The following DPP6 variants were observed in gnomAD, a reference collection of about 807,000 sequenced individuals.
DPP6 encodes the protein A-type potassium channel modulatory protein DPP6.
A neutral mutation model predicts 122.6 loss-of-function variants in DPP6; 69 were observed. That is an observed-to-expected ratio of 0.56 (90% CI 0.46 to 0.69). The LOEUF is 0.69. DPP6 is among the 30% of genes least tolerant of loss of function. DPP6 has a pLI of 0.00. For synonymous variants in DPP6, 418 were observed against 433.1 expected (o/e 0.97, Z 0.43); for missense variants, 928 against 1,116.9 (o/e 0.83, Z 2.41).
At chr7:154,370,186 T>C (rs1812533147) in intron 1 of DPP6, among the ~76,000 whole-genome samples, 1 of 152,126 alleles carries the variant, frequency 6.6e-6, no homozygotes, top group African/African-American at 2.4e-5. Context: ...TTTCGCCATG[T>C]TGGCCAGGCT....
At chr7:153,942,125 C>T (rs75095962) in intron 1 of DPP6, among the ~76,000 whole-genome samples, 2,684 of 152,298 alleles carry the variant, frequency 0.018, 81 homozygotes, top group African/African-American at 0.061. Context: ...TTAGCACCAC[C>T]GTTGTGCATG....
At chr7:154,870,212 G>A (rs59369715) in intron 18 of DPP6, among the ~76,000 whole-genome samples, 49 of 149,434 alleles carry the variant, frequency 3.3e-4, no homozygotes, top group African/African-American at 1.1e-3. Context: ...CTTGAACTAC[G>A]GGGCTCAAGC....
At chr7:154,858,235 G>T (rs1803002865) in intron 17 of DPP6, 1 of 152,256 alleles carries the variant, frequency 6.6e-6, no homozygotes, top group African/African-American at 2.4e-5. Flanking sequence ...AGCCTGTGAG[G>T]CAGGAACTGC....
rs186939787 is a variant in DPP6, at chr7:154,103,280, C to T, written c.243+50217C>T. Among the ~76,000 whole-genome samples, 81 of 152,312 alleles carry T rather than the reference C, an allele frequency of 5.3e-4. No individual in the cohort carries two copies. The Middle Eastern group carries it at 0.01, about 19-fold the overall frequency. ...CTCATTGCAGGAAGCGACTCCATTC[C>T]GTCAGCCATACTGATGGCATTAGGT... On this transcript the variant is annotated intron_variant, in intron 1 of 25. Coordinates refer to ENST00000377770, the MANE Select transcript of DPP6 (RefSeq NM_130797.4).
At chr7:153,893,108 T>C (rs1799274938) in intron 1 of DPP6, among the ~76,000 whole-genome samples, 1 of 152,168 alleles carries the variant, frequency 6.6e-6, no homozygotes, top group Admixed American at 6.5e-5. Context: ...GCACAGGATG[T>C]TTTATAAAAT....
intron 1 of DPP6, among the ~76,000 whole-genome samples, chr7:154,375,122 G>A (rs1042028720): frequency 6.6e-6 from 1 of 152,110 alleles, no homozygotes; most frequent in Non-Finnish European, 1.5e-5. Flanking sequence ...GGAAGAGAGG[G>A]CAGACAGTTC....
At chr7:154,766,353 T>A (rs6971421) in intron 8 of DPP6, among the ~76,000 whole-genome samples, 28,918 of 152,156 alleles carry the variant, frequency 0.19, 2,872 homozygotes, top group East Asian at 0.34. Context: ...AGTCTCACTC[T>A]GTCACCCAGG....
rs1158700884 is a variant in DPP6 at position 154,481,972 on chromosome 7, G to C, written c.457+6935G>C. On this transcript the variant is annotated intron_variant, in intron 3 of 25. Coordinates refer to ENST00000377770, the MANE Select transcript of DPP6 (RefSeq NM_130797.4). This position sits in a 1 kb window ranked among gnomAD's most constrained non-coding sequence, Gnocchi z 4.2. ...AAGTCCCCAGTTTGTGGCCGTCCAC[G>C]AAGACTTCTTGGGCATTTTCTCATT... Among the ~76,000 whole-genome samples the C allele has an allele frequency of 6.6e-6, 1 of 152,212 alleles. No homozygotes were observed. The highest frequency in any genetic ancestry group is 1.9e-4 in the East Asian group (1 of 5,184).
chr7:153,826,376 T>C, the DPP6 span, among the ~76,000 whole-genome samples: 4 of 152,194 alleles, frequency 2.6e-5, no homozygotes, highest in African/African-American at 4.8e-5. Flanking sequence ...TTTCTAGATA[T>C]AGAAAACTAG....
chr7:154,367,174 C>A (rs4726410), intron 1 of DPP6, among the ~76,000 whole-genome samples: 21,889 of 151,976 alleles, frequency 0.14, 4,460 homozygotes, highest in African/African-American at 0.45. Context: ...CAGGGTCATG[C>A]TAAGGTGACA....
At chr7:154,167,663 G>A (rs1797322810) in intron 1 of DPP6, among the ~76,000 whole-genome samples, 1 of 151,868 alleles carries the variant, frequency 6.6e-6, no homozygotes, top group African/African-American at 2.4e-5. Flanking sequence ...GCTGTTTTCA[G>A]GGGGGCATTT....
chr7:154,416,057 A>C (rs1234280586), intron 1 of DPP6, among the ~76,000 whole-genome samples: 1 of 152,130 alleles, frequency 6.6e-6, no homozygotes, highest in Non-Finnish European at 1.5e-5. Context: ...AGTATTAAAT[A>C]GAAAATTCCA....
At position 154,331,272 on chromosome 7, in the gene DPP6, C is replaced by T. The variant is rs1036321556; in HGVS notation, c.244-114942C>T. Among the ~76,000 whole-genome samples the T allele has an allele frequency of 1.4e-4, 22 of 152,184 alleles. 1 individual carries two copies. Among genetic ancestry groups the T allele is most frequent in the African/African-American group, 5.3e-4 (22 of 41,452 alleles). On this transcript the variant is annotated intron_variant, in intron 1 of 25. Transcript: ENST00000377770. ...CTCAATTGGCAGTGTTCTCAGTACG[C>T]AGGGACTGTCTCTGTGTGGCTTTTT...
At chr7:153,803,235 A>G in the DPP6 span, among the ~76,000 whole-genome samples, 1 of 148,224 alleles carries the variant, frequency 6.7e-6, no homozygotes, top group Non-Finnish European at 1.5e-5. Flanking sequence ...GCAAACAGTG[A>G]CGGTTAACTT....
chr7:154,843,474 A>G (rs1007104999), intron 16 of DPP6, among the ~76,000 whole-genome samples: 1 of 152,140 alleles, frequency 6.6e-6, no homozygotes, highest in African/African-American at 2.4e-5. Flanking sequence ...CTTTGTCGGT[A>G]CAGGCAGACA....
chr7:154,178,169 A>G (rs1038167764), intron 1 of DPP6, among the ~76,000 whole-genome samples: 3 of 152,204 alleles, frequency 2.0e-5, no homozygotes, highest in African/African-American at 7.2e-5. Context: ...TTTCTGTTCA[A>G]TGAGCTTTGA....
At chr7:154,524,016 C>A (rs1349288559) in intron 3 of DPP6, among the ~76,000 whole-genome samples, 1 of 152,188 alleles carries the variant, frequency 6.6e-6, no homozygotes, top group Non-Finnish European at 1.5e-5. Context: ...GAATTAATCA[C>A]CTCTTCTACA....
At chr7:153,860,284 A>G in the DPP6 span, among the ~76,000 whole-genome samples, 1 of 152,116 alleles carries the variant, frequency 6.6e-6, no homozygotes, top group Non-Finnish European at 1.5e-5. Context: ...AGGGGGTACA[A>G]GGCCCCTCAT....
At chr7:154,406,826 G>C (rs1179264709) in intron 1 of DPP6, among the ~76,000 whole-genome samples, 1 of 152,154 alleles carries the variant, frequency 6.6e-6, no homozygotes, top group Non-Finnish European at 1.5e-5. Flanking sequence ...ATAAAGAGCA[G>C]GATGAATGCC....
Sources: gnomAD v4.1 joint callset for allele counts (sites outside exome capture counted in the v4.1 genomes callset) on GRCh38, gnomAD v4.1.1 for gene constraint, Gnocchi (gnomAD v3.1) non-coding constraint, MANE v1.5 for transcripts, NCBI Gene and HGNC (gene_info 2026-07-23, HGNC 2026-07-21) for gene names.